GLT1D1: variants seen among roughly 807,000 people sequenced by gnomAD.
GLT1D1 encodes glycosyltransferase 1 domain containing 1.
Under a neutral mutation model 28.7 loss-of-function variants are expected in GLT1D1, and 21 were observed. The observed-to-expected ratio is 0.73, with a 90% CI of 0.52 to 1.05. The LOEUF (loss-of-function observed/expected upper bound fraction) is 1.05. GLT1D1 is among the 50% of genes least tolerant of loss of function. GLT1D1 has a pLI of 0.00. For missense variants in GLT1D1, 343 were observed against 330.6 expected, an observed-to-expected ratio of 1.04 and a Z score of -0.29; for synonymous variants, 147 against 124.8, an observed-to-expected ratio of 1.18 and a Z score of -1.19.
At chr12:128,976,536 C>A (rs1450482794) in intron 7 of GLT1D1, among the ~76,000 whole-genome samples, 1 of 152,208 alleles carries the variant, frequency 6.6e-6, no homozygotes, top group Non-Finnish European at 1.5e-5. Context: ...CGTCTCCCAT[C>A]GACAAGCTGT....
chr12:128,912,701 C>G (rs541040136), intron 4 of GLT1D1, among the ~76,000 whole-genome samples: 3 of 151,756 alleles, frequency 2.0e-5, no homozygotes, highest in African/African-American at 7.3e-5. Flanking sequence ...CTGGCTCTGT[C>G]GCCTAGGCTG....
intron 4 of GLT1D1, among the ~76,000 whole-genome samples, chr12:128,920,336 T>G (rs528940664): frequency 1.3e-5 from 2 of 152,260 alleles, no homozygotes; most frequent in East Asian, 3.9e-4. Context: ...GCGGATCACT[T>G]GAGGGTCAGG....
At chr12:128,881,852 A>G (rs1314592723) in intron 2 of GLT1D1, among the ~76,000 whole-genome samples, 1 of 151,738 alleles carries the variant, frequency 6.6e-6, no homozygotes, top group Non-Finnish European at 1.5e-5. Context: ...TAGATGGTCT[A>G]TATTTCCTCT....
intron 7 of GLT1D1, among the ~76,000 whole-genome samples, chr12:128,975,770 A>G (rs972482101): frequency 6.6e-6 from 1 of 152,104 alleles, no homozygotes; most frequent in Non-Finnish European, 1.5e-5. Context: ...GCTGTTTTTG[A>G]TACTTATTTT....
At chr12:128,960,493 C>G (rs987747213) in intron 7 of GLT1D1, among the ~76,000 whole-genome samples, 1 of 152,080 alleles carries the variant, frequency 6.6e-6, no homozygotes, top group Non-Finnish European at 1.5e-5. Flanking sequence ...CACAGTGGCT[C>G]GTGCCTGTAA....
chr12:128,915,109 TC>T (rs1479570164), intron 4 of GLT1D1, 120 bp downstream of exon 6: 2 of 746,652 alleles, frequency 2.7e-6, no homozygotes, highest in African/African-American at 3.5e-5. Context: ...AAGGTTCATT[TC>T]CCTCTGTCTG....
intron 1 of GLT1D1, among the ~76,000 whole-genome samples, chr12:128,857,721 A>T (rs1191164918): frequency 6.6e-6 from 1 of 152,160 alleles, no homozygotes; most frequent in Non-Finnish European, 1.5e-5. Flanking sequence ...AAATACGTAA[A>T]TCTGGAGTTC....
intron 1 of GLT1D1, among the ~76,000 whole-genome samples, chr12:128,873,725 T>C (rs948302578): frequency 3.9e-5 from 6 of 152,222 alleles, no homozygotes; most frequent in African/African-American, 1.2e-4. Flanking sequence ...ATGGCTGATA[T>C]TGAGCATCAT....
intron 4 of GLT1D1, 139 bp from the exon 6 acceptor site, chr12:128,914,794 T>G: frequency 1.6e-6 from 1 of 640,384 alleles, no homozygotes; most frequent in Non-Finnish European, 2.7e-6. Flanking sequence ...CACTGCAGCC[T>G]GGGTGACAGA....
At chr12:128,945,183 C>T (rs754112871) in intron 4 of GLT1D1, 143 bp from the exon 9 acceptor site, 272 of 829,248 alleles carry the variant, frequency 3.3e-4, no homozygotes, top group Non-Finnish European at 3.1e-4. Context: ...TCACCACACG[C>T]AGCAGCCGCG....
At chr12:128,929,628 G>A (rs1053549260) in intron 4 of GLT1D1, among the ~76,000 whole-genome samples, 1 of 152,066 alleles carries the variant, frequency 6.6e-6, no homozygotes, top group Non-Finnish European at 1.5e-5. Flanking sequence ...AAGGCTTTTG[G>A]AAATATTTAC....
At chr12:128,863,681 G>A (rs1956436806) in intron 1 of GLT1D1, among the ~76,000 whole-genome samples, 2 of 151,982 alleles carry the variant, frequency 1.3e-5, no homozygotes, top group African/African-American at 4.8e-5. Flanking sequence ...CCTGGCCTGG[G>A]ATAATTTCTT....
intron 1 of GLT1D1, among the ~76,000 whole-genome samples, chr12:128,874,480 C>CTTTTTT (rs138457706): frequency 4.7e-5 from 5 of 106,772 alleles, no homozygotes; most frequent in Non-Finnish European, 3.7e-5. Flanking sequence ...CTGTGGCTGG[C>CTTTTTT]TTTTTTTTTT....
At chr12:128,903,321 G>A (rs1030402395) in intron 4 of GLT1D1, among the ~76,000 whole-genome samples, 3 of 151,618 alleles carry the variant, frequency 2.0e-5, no homozygotes, top group Non-Finnish European at 2.9e-5. Flanking sequence ...TTTTAGGCTC[G>A]GCAGGAAGAG....
At chr12:128,874,088 CTTTCTTTCTT>C (rs1248360879) in intron 1 of GLT1D1, among the ~76,000 whole-genome samples, 1,882 of 18,500 alleles carry the variant, frequency 0.1, 95 homozygotes, top group Non-Finnish European at 0.14. Flanking sequence ...TTCTTTCTTT[CTTTCTTTCTT>C]TCTCTCTCTC....
chr12:128,868,094 A>G (rs1440293015), intron 1 of GLT1D1, among the ~76,000 whole-genome samples: 1 of 152,224 alleles, frequency 6.6e-6, no homozygotes, highest in East Asian at 1.9e-4. Context: ...AGAAGGCTGG[A>G]GGCAGGGCCT....
intron 4 of GLT1D1, among the ~76,000 whole-genome samples, chr12:128,931,965 A>G (rs1197914493): frequency 6.6e-6 from 1 of 150,936 alleles, no homozygotes; most frequent in Non-Finnish European, 1.5e-5. Flanking sequence ...ATGTCCTACA[A>G]AATGCATCTC....
chr12:128,884,041 G>C (rs1194664052), intron 2 of GLT1D1, among the ~76,000 whole-genome samples: 1 of 152,142 alleles, frequency 6.6e-6, no homozygotes, highest in Non-Finnish European at 1.5e-5. Context: ...AACTACCGTA[G>C]GATCCAGCAA....
chr12:128,853,810 C>T (rs537115224), intron 1 of GLT1D1, among the ~76,000 whole-genome samples, 161 bp downstream of exon 1: 154 of 152,012 alleles, frequency 1.0e-3, no homozygotes, highest in African/African-American at 3.7e-3. Flanking sequence ...GCCTGCCGGG[C>T]GCGCGGGGGT....
Sources: allele counts gnomAD v4.1 joint callset (sites outside exome capture counted in the v4.1 genomes callset), GRCh38; gene constraint gnomAD v4.1.1; transcripts MANE v1.5; gene names NCBI Gene and HGNC (gene_info 2026-07-23, HGNC 2026-07-21).